Variants in ARHGAP44 observed in about 807,000 individuals in gnomAD.
ARHGAP44 encodes the protein rho GTPase-activating protein 44.
Under a neutral mutation model 106.8 loss-of-function variants are expected in ARHGAP44, and 43 were observed. The observed-to-expected ratio is 0.40, with a 90% CI of 0.32 to 0.52. The LOEUF (loss-of-function observed/expected upper bound fraction) is 0.52, where lower values mean the gene tolerates loss of function less well. Among genes scored for constraint, ARHGAP44 ranks in the 20% least tolerant of loss-of-function variants. The probability of loss-of-function intolerance (pLI) is 0.48; values close to 1 mark genes in which losing one functional copy is unlikely to be tolerated. For missense variants in ARHGAP44, 866 were observed against 1,050.5 expected (o/e 0.82, Z 2.43); for synonymous variants, 439 against 410.3 (o/e 1.07, Z -0.85).
chr17:12,943,809 C>T, intron 9 of ARHGAP44, 140 bp downstream of exon 9: 1 of 1,034,560 alleles, frequency 9.7e-7, no homozygotes. Context: ...GGACTTACTT[C>T]CAAACTGGTG....
chr17:12,971,333 G>A (rs2039522923), intron 16 of ARHGAP44, among the ~76,000 whole-genome samples: 1 of 152,046 alleles, frequency 6.6e-6, no homozygotes, highest in Non-Finnish European at 1.5e-5. Flanking sequence ...CACCAGCTTT[G>A]GCCCAGACCT....
intron 1 of ARHGAP44, among the ~76,000 whole-genome samples, chr17:12,857,754 C>T (rs536723784): frequency 4.8e-5 from 7 of 144,496 alleles, no homozygotes; most frequent in South Asian, 4.3e-4. Context: ...TTTATTGCTT[C>T]GGTTGCCCAT....
In ARHGAP44 at chr17:12,976,815, G is replaced by A. The variant is rs374616955; in HGVS notation, c.1763+2505G>A. The stretch of plus-strand genomic sequence containing the variant: ...ATGGACCTGAGAGATGCAGATGCGG[G>A]CACAGTGAGTTCATTGGAGAAGCAG... On this transcript the variant is annotated intron_variant, in intron 18 of 20. Coordinates refer to ENST00000379672, the MANE Select transcript of ARHGAP44 (RefSeq NM_014859.6). Among the ~76,000 whole-genome samples, 5 of 152,126 alleles carry A rather than the reference G, an allele frequency of 3.3e-5. No individual in the cohort carries two copies. In the South Asian group the frequency reaches 6.2e-4, roughly 19 times the overall value.
chr17:12,803,594 GCT>G (rs1307876172), intron 1 of ARHGAP44, among the ~76,000 whole-genome samples: 1 of 152,050 alleles, frequency 6.6e-6, no homozygotes, highest in Admixed American at 6.6e-5. Context: ...AACTTCCTGG[GCT>G]CAAATGATCC....
rs754981381 is a variant in ARHGAP44, at chr17:12,908,966, C to T, written c.268C>T (p.Leu90Phe). Residue 90 changes from leucine to phenylalanine, a missense_variant, in exon 4 of 21, where the codon CTT becomes TTT. This residue lies in a region of ARHGAP44 where 448 missense variants were observed against 646.9 expected (regional missense o/e 0.69). Coordinates refer to ENST00000379672, the MANE Select transcript of ARHGAP44 (RefSeq NM_014859.6). ...EGSAILGDDT[L>F]LGKMLKLCGE... ...GTCAGCTATCCTGGGAGATGACACACTTCTTGGGTAAGGTGACACCTTGCG... is the reference window on the plus strand; with the variant it reads ...GTCAGCTATCCTGGGAGATGACACATTTCTTGGGTAAGGTGACACCTTGCG... 1 of 1,591,592 alleles carries T rather than the reference C, an allele frequency of 6.3e-7. No individual in the cohort carries two copies. The highest frequency in any genetic ancestry group is 8.5e-7 in the Non-Finnish European group (1 of 1,173,218).
intron 1 of ARHGAP44, among the ~76,000 whole-genome samples, chr17:12,814,327 G>A (rs180957570): frequency 4.4e-4 from 60 of 134,840 alleles, no homozygotes; most frequent in Non-Finnish European, 6.7e-4. Context: ...TGCACCCTCC[G>A]CCTCCTGAGT....
At chr17:12,852,071 A>G (rs1052515401) in intron 1 of ARHGAP44, among the ~76,000 whole-genome samples, 2 of 149,632 alleles carry the variant, frequency 1.3e-5, no homozygotes, top group African/African-American at 4.9e-5. Flanking sequence ...GGCTGAAATG[A>G]CCCATTTGTT....
intron 14 of ARHGAP44, among the ~76,000 whole-genome samples, chr17:12,956,354 AG>A: frequency 6.6e-6 from 1 of 152,188 alleles, no homozygotes; most frequent in Non-Finnish European, 1.5e-5. Context: ...CTCCAGAGAT[AG>A]CAGTGTTGGA....
intron 1 of ARHGAP44, among the ~76,000 whole-genome samples, chr17:12,818,770 A>G (rs1002704637): frequency 6.6e-5 from 10 of 152,160 alleles, no homozygotes; most frequent in Middle Eastern, 3.4e-3. Flanking sequence ...GTTGAAAGAC[A>G]TTTTAAAAGA....
At chr17:12,935,861 T>C (rs990341390) in intron 7 of ARHGAP44, among the ~76,000 whole-genome samples, 3 of 152,050 alleles carry the variant, frequency 2.0e-5, no homozygotes, top group African/African-American at 7.2e-5. Flanking sequence ...GGAAAACCAA[T>C]GTACAGATAA....
intron 1 of ARHGAP44, among the ~76,000 whole-genome samples, chr17:12,894,151 G>T (rs555387289): frequency 6.6e-6 from 1 of 151,924 alleles, no homozygotes; most frequent in East Asian, 1.9e-4. Context: ...CTTGTATGTT[G>T]TTTCTTCTTT....
intron 7 of ARHGAP44, among the ~76,000 whole-genome samples, chr17:12,931,606 C>G (rs1430695512): frequency 1.3e-5 from 2 of 151,766 alleles, no homozygotes; most frequent in African/African-American, 2.4e-5. Context: ...ACACCATTCT[C>G]CTGCCTCAGC....
intron 18 of ARHGAP44, 68 bp downstream of exon 18, chr17:12,974,378 C>G (rs2039617341): frequency 8.8e-6 from 11 of 1,249,320 alleles, no homozygotes; most frequent in Non-Finnish European, 1.1e-5. Flanking sequence ...GTTGGCCGCA[C>G]TGGAGGCCTC....
intron 16 of ARHGAP44, among the ~76,000 whole-genome samples, chr17:12,962,816 T>G (rs1344104898): frequency 6.6e-6 from 1 of 152,090 alleles, no homozygotes; most frequent in Non-Finnish European, 1.5e-5. Flanking sequence ...GTGGCCGAGT[T>G]GGGTGGATCA....
At chr17:12,959,137 G>T in intron 16 of ARHGAP44, 15 of 475,640 alleles carry the variant, frequency 3.2e-5, no homozygotes, top group South Asian at 2.3e-4. Context: ...GTATTAATTA[G>T]TTCTCATCAA....
chr17:12,915,127 C>T lies in ARHGAP44; in HGVS notation c.276-773C>T, dbSNP rs185656989. Among the ~76,000 whole-genome samples the T allele has an allele frequency of 7.9e-3, 1,198 of 152,300 alleles. 21 individuals are homozygous for T. Among genetic ancestry groups the T allele is most frequent in the African/African-American group, 0.027 (1,126 of 41,568 alleles). ...TATCTAGGCTCACTACAGCCTCTGC[C>T]TCCCAGGTACAAGTGATTCTCGTGC... On this transcript the variant is annotated intron_variant, in intron 4 of 20. Transcript: ENST00000379672.
chr17:12,954,427 G>A (rs2039077589), intron 13 of ARHGAP44, among the ~76,000 whole-genome samples: 1 of 152,206 alleles, frequency 6.6e-6, no homozygotes, highest in African/African-American at 2.4e-5. Flanking sequence ...CTAGGCCGCT[G>A]GCCAGCCCAT....
intron 10 of ARHGAP44, among the ~76,000 whole-genome samples, chr17:12,945,558 T>A (rs2038828892): frequency 6.6e-6 from 1 of 152,158 alleles, no homozygotes; most frequent in East Asian, 1.9e-4. Flanking sequence ...TTAAGCCTAA[T>A]TCATCCAGAA....
intron 1 of ARHGAP44, among the ~76,000 whole-genome samples, chr17:12,860,044 A>G (rs7217158): frequency 0.63 from 95,558 of 151,948 alleles, 30,865 homozygotes; most frequent in East Asian, 0.79. Flanking sequence ...AGAAAAGCAG[A>G]CTCCTGGAGG....
Sources: gnomAD v4.1 joint callset for allele counts (sites outside exome capture counted in the v4.1 genomes callset) on GRCh38, gnomAD v4.1.1 for gene constraint, gnomAD v4.1.1 regional missense constraint, MANE v1.5 for transcripts, NCBI Gene and HGNC (gene_info 2026-07-23, HGNC 2026-07-21) for gene names.